TMEM270: variants seen among roughly 807,000 people sequenced by gnomAD.
The protein encoded by TMEM270 is transmembrane protein 270, also known as Williams-Beuren syndrome chromosome region 28.
In TMEM270, 30 loss-of-function variants were observed where a neutral mutation model predicts 29.9. That is an observed-to-expected ratio of 1.00 (90% confidence interval 0.75 to 1.36). TMEM270 has a LOEUF of 1.36. Ranked by LOEUF, TMEM270 falls within the 40% of genes most tolerant of loss-of-function variation. The pLI is 0.00. For synonymous variants in TMEM270, 135 were observed against 139.8 expected, an observed-to-expected ratio of 0.97 and a Z score of 0.24; for missense variants, 313 against 307.1, an observed-to-expected ratio of 1.02 and a Z score of -0.14.
chr7:73,861,701 C>G lies in TMEM270; in HGVS notation c.72+435C>G, dbSNP rs1417202566. 4 of 283,786 alleles carry G rather than the reference C, an allele frequency of 1.4e-5. No individual in the cohort carries two copies. The East Asian group carries it at 3.7e-4, about 26-fold the overall frequency. 17.6% of individuals were successfully genotyped at this position (283,786 alleles called of 1,614,324 possible). ...GCCTCACATGATCCTCCTACCTCAGCTTCCTGAGGTGCTGGGATTATAGGT... is the reference window on the plus strand; with the variant it reads ...GCCTCACATGATCCTCCTACCTCAGGTTCCTGAGGTGCTGGGATTATAGGT... On this transcript the variant is annotated intron_variant, in intron 1 of 2. Coordinates refer to ENST00000320531, the MANE Select transcript of TMEM270 (RefSeq NM_182504.4).
chr7:73,865,028 G>C lies in TMEM270; in HGVS notation c.108G>C (p.Leu36=). ...VQNRDHLYNF[L]LLKINLFNHW... is the part of the protein sequence containing the mutation. ...ACCGAGATCACCTCTATAATTTCCT[G>C]CTCCTCAAGATCAACCTCTTCAACC... The change falls in exon 2 of 3, where the codon CTG becomes CTC. Residue 36 remains leucine (L), a synonymous_variant. Coordinates refer to ENST00000320531, the MANE Select transcript of TMEM270 (RefSeq NM_182504.4). The C allele has an allele frequency of 2.6e-6, 4 of 1,513,618 alleles. No individual in the cohort carries two copies. Among genetic ancestry groups the C allele is most frequent in the Non-Finnish European group, 3.5e-6 (4 of 1,130,800 alleles). 93.8% of individuals were successfully genotyped at this position (1,513,618 alleles called of 1,614,324 possible).
upstream of TMEM270, chr7:73,861,015 G>T: frequency 3.2e-6 from 2 of 633,206 alleles, no homozygotes; most frequent in South Asian, 1.8e-5. Context: ...AGACCTCCTT[G>T]GCCGTGTTGG....
chr7:73,863,153 A>T (rs1198493467), intron 1 of TMEM270, among the ~76,000 whole-genome samples: 9 of 152,172 alleles, frequency 5.9e-5, no homozygotes, highest in South Asian at 4.1e-4. Flanking sequence ...CTGCAAATCC[A>T]GCCCGTGAGT....
At chr7:73,861,130 C>T (rs1302847629), upstream of TMEM270, 3 of 1,557,754 alleles carry the variant, frequency 1.9e-6, no homozygotes, top group African/African-American at 4.1e-5. Flanking sequence ...AACTTGGTCC[C>T]CACCCTGTGG....
intron 1 of TMEM270, 74 bp downstream of exon 1, chr7:73,861,340 G>C: frequency 6.9e-7 from 1 of 1,450,058 alleles, no homozygotes; most frequent in Non-Finnish European, 9.4e-7. Context: ...CAGAGCTGCC[G>C]GGCCCAAGCC....
rs782173564 is a variant in TMEM270, at chr7:73,865,289, T to A, written c.369T>A (p.Ser123=). 10 of 1,613,302 alleles carry A rather than the reference T, an allele frequency of 6.2e-6. No homozygotes were observed. The highest frequency in any genetic ancestry group is 8.5e-6 in the Non-Finnish European group (10 of 1,180,018). Residue 123 remains serine (S), a synonymous_variant, in exon 2 of 3, where the codon TCT becomes TCA. Coordinates refer to ENST00000320531, the MANE Select transcript of TMEM270 (RefSeq NM_182504.4). ...GTGCCTGGGAGCAGCTGGGCCTGTC[T>A]GTGGCCATCTGGACAGATCTGTTTT... ...LLSAWEQLGL[S]VAIWTDLFLS... is the part of the protein sequence containing the mutation.
Position 73,865,684 on chromosome 7 carries a change from C to T in TMEM270, c.609C>T (p.Leu203=), listed in dbSNP as rs1554639893. ...TALTSWHLAY[L]ITWTTCLASH... ...TCACCTCCTGGCACCTGGCCTATCT[C>T]ATCACCTGGACCACCTGCCTGGCCT... Residue 203 remains leucine, a synonymous_variant, in exon 3 of 3, where the codon CTC becomes CTT. Transcript: ENST00000320531. 1 of 1,614,124 alleles carries T rather than the reference C, an allele frequency of 6.2e-7. No homozygotes were observed.
At position 73,861,239 on chromosome 7, in the gene TMEM270, G is replaced by A. The variant is rs782741518; in HGVS notation, c.45G>A (p.Leu15=). ...TCAGATCCAGCCTTTTGGGGATCCT[G>A]TTGCAGGTTACGAGGCTCTCAGTGC... The part of the protein sequence containing the change: ...PPVRSSLLGI[L]LQVTRLSVLL... Residue 15 remains leucine, a synonymous_variant, in exon 1 of 3, where the codon CTG becomes CTA. Transcript: ENST00000320531. 6.2e-7 allele frequency: 1 copy of A among 1,609,726 alleles called. No individual in the cohort carries two copies. Among genetic ancestry groups the A allele is most frequent in the East Asian group, 2.2e-5 (1 of 44,696 alleles).
intron 1 of TMEM270, chr7:73,861,636 G>C (rs1240081167): frequency 3.6e-5 from 13 of 358,578 alleles, no homozygotes; most frequent in Non-Finnish European, 6.2e-5. Flanking sequence ...TTGTAGAGAT[G>C]GTGTCTCACT....
At chr7:73,864,959 T>C in intron 1 of TMEM270, 34 bp from the exon 2 acceptor site, 1 of 1,437,132 alleles carries the variant, frequency 7.0e-7, no homozygotes, top group Non-Finnish European at 9.2e-7. Flanking sequence ...AGGGTGATGA[T>C]GGCTGACGGT....
chr7:73,865,559 T>A lies in TMEM270; in HGVS notation c.502-18T>A. 1 of 1,610,152 alleles carries A rather than the reference T, an allele frequency of 6.2e-7. No homozygotes were observed. The highest frequency in any genetic ancestry group is 2.2e-5 in the East Asian group (1 of 44,852). ...TGAGCTCCTAAGGGCCACCTGCCCA[T>A]CTGTCTCCCTGTTCCAGGCCTTGCA... On this transcript the variant is annotated intron_variant, in intron 2 of 2. Coordinates refer to ENST00000320531, the MANE Select transcript of TMEM270 (RefSeq NM_182504.4).
intron 1 of TMEM270, among the ~76,000 whole-genome samples, chr7:73,863,670 G>A (rs751266967): frequency 4.6e-5 from 7 of 152,284 alleles, no homozygotes; most frequent in Non-Finnish European, 8.8e-5. Context: ...GATTACAGGT[G>A]TGAGCCACCA....
chr7:73,863,675 C>T (rs1465873965), intron 1 of TMEM270, among the ~76,000 whole-genome samples: 1 of 152,162 alleles, frequency 6.6e-6, no homozygotes, highest in Non-Finnish European at 1.5e-5. Flanking sequence ...CAGGTGTGAG[C>T]CACCATGTCC....
At chr7:73,863,392 C>CTT (rs34629826) in intron 1 of TMEM270, among the ~76,000 whole-genome samples, 36 of 142,036 alleles carry the variant, frequency 2.5e-4, no homozygotes, top group Middle Eastern at 3.8e-3. Flanking sequence ...ATCTGGAATT[C>CTT]TTTTTTTTTT....
At chr7:73,861,857 G>C (rs1563664050) in intron 1 of TMEM270, among the ~76,000 whole-genome samples, 1 of 152,066 alleles carries the variant, frequency 6.6e-6, no homozygotes. Flanking sequence ...GGAGTGCAGT[G>C]GTGCGATCTC....
rs555574218 is a variant in TMEM270 at position 73,862,488 on chromosome 7, A to C, written c.72+1222A>C. Among the ~76,000 whole-genome samples the C allele has an allele frequency of 1.1e-4, 16 of 151,902 alleles. No individual in the cohort carries two copies. The East Asian group carries it at 3.1e-3, about 30-fold the overall frequency. On this transcript the variant is annotated intron_variant, in intron 1 of 2. Coordinates refer to ENST00000320531, the MANE Select transcript of TMEM270 (RefSeq NM_182504.4). The stretch of plus-strand genomic sequence containing the variant: ...TTAGGAGGCCGAGGTGGGAGTATAG[A>C]TTGAGCCTGGGAGGCCAAGGCTGCA...
chr7:73,864,258 TA>T (rs71519311), intron 1 of TMEM270, among the ~76,000 whole-genome samples: 6,217 of 131,330 alleles, frequency 0.047, 380 homozygotes, highest in African/African-American at 0.15. Flanking sequence ...CTCCATTTCT[TA>T]AAAAAAAAAA....
chr7:73,865,545 G>A, intron 2 of TMEM270, 32 bp from the exon 3 acceptor site: 1 of 1,605,154 alleles, frequency 6.2e-7, no homozygotes. Flanking sequence ...GAGCTCCTAA[G>A]GGCCACCTGC....
upstream of TMEM270, chr7:73,861,108 G>A: frequency 2.9e-6 from 4 of 1,375,388 alleles, no homozygotes; most frequent in Non-Finnish European, 4.1e-6. Flanking sequence ...GCGGCAACCG[G>A]GTCCCCATGG....
Sources: allele counts gnomAD v4.1 joint callset (sites outside exome capture counted in the v4.1 genomes callset), GRCh38; gene constraint gnomAD v4.1.1; transcripts MANE v1.5; gene names NCBI Gene and HGNC (gene_info 2026-07-23, HGNC 2026-07-21).